Variants in USP32 observed in about 807,000 individuals in gnomAD.
USP32 encodes ubiquitin specific peptidase 32.
Under a neutral mutation model 204.8 loss-of-function variants are expected in USP32, and 59 were observed. That is an observed-to-expected ratio of 0.29 (90% CI 0.23 to 0.36). The LOEUF (loss-of-function observed/expected upper bound fraction) is 0.36. USP32 is among the 10% of genes least tolerant of loss of function. The probability of loss-of-function intolerance (pLI) is 1.00; values close to 1 mark genes in which losing one functional copy is unlikely to be tolerated. For missense variants in USP32, 1,160 were observed against 1,946.4 expected, an observed-to-expected ratio of 0.60 and a Z score of 7.60; for synonymous variants, 517 against 678.4, an observed-to-expected ratio of 0.76 and a Z score of 3.70.
rs140463372 is a variant in USP32, at chr17:60,183,179, A to C, written c.4109T>G (p.Ile1370Ser). 2.5e-4 allele frequency: 402 copies of C among 1,611,026 alleles called. No individual in the cohort carries two copies. Among genetic ancestry groups the C allele is most frequent in the Non-Finnish European group, 3.2e-4 (378 of 1,178,216 alleles). ...KSPSSLSANI[I>S]SSPKGSPSSS... Reference sequence around the variant, plus strand: ...CCAGGCCTCACCTTTCGGGCTGCTGATGATGTTAGCGCTGAGTGAGGATGG... The same window carrying C: ...CCAGGCCTCACCTTTCGGGCTGCTGCTGATGTTAGCGCTGAGTGAGGATGG... The change falls in exon 31 of 34, where the codon ATC becomes AGC. Residue 1370 changes from isoleucine (I) to serine (S), a missense_variant. Ile to Ser is a moderately radical substitution (Grantham distance 142). This residue lies in a region of USP32 where 244 missense variants were observed against 342.3 expected (regional missense o/e 0.71). Coordinates refer to ENST00000300896, the MANE Select transcript of USP32 (RefSeq NM_032582.4).
rs1253906946 is a variant in USP32, at chr17:60,331,581, A to T, written c.186+13900T>A. ...ACCCCATCTCAAAAAAAAATAAAAT[A>T]AACTTTAATATTAAAAAATCTGCAC... On this transcript the variant is annotated intron_variant, in intron 2 of 33. Coordinates refer to ENST00000300896, the MANE Select transcript of USP32 (RefSeq NM_032582.4). 2.8e-5 allele frequency among the ~76,000 whole-genome samples: 4 copies of T among 144,160 alleles called. No individual in the cohort carries two copies. The East Asian group carries it at 6.2e-4, about 22-fold the overall frequency. 94.6% of individuals were successfully genotyped at this position (144,160 alleles called of 152,430 possible).
chr17:60,249,407 C>T, intron 11 of USP32: 2 of 269,632 alleles, frequency 7.4e-6, no homozygotes, highest in South Asian at 1.5e-4. Flanking sequence ...CTTGCTAAGG[C>T]TCACTATGGT....
At chr17:60,187,983 C>CT (rs2084291819) in intron 29 of USP32, among the ~76,000 whole-genome samples, 1 of 151,828 alleles carries the variant, frequency 6.6e-6, no homozygotes, top group Admixed American at 6.6e-5. Flanking sequence ...TTTTTTCTTT[C>CT]TTTTTTTGTT....
At chr17:60,384,298 C>T (rs1178977970) in intron 1 of USP32, among the ~76,000 whole-genome samples, 1 of 152,314 alleles carries the variant, frequency 6.6e-6, no homozygotes, top group Non-Finnish European at 1.5e-5. Context: ...TGTTAAAAGG[C>T]TTTTGCCACA....
exon 1 of USP32, chr17:60,422,397 C>A: frequency 7.2e-7 from 1 of 1,390,404 alleles, no homozygotes; most frequent in African/African-American, 1.4e-5. Context: ...GGGCCAGCTG[C>A]AGCCACCCCT....
intron 1 of USP32, among the ~76,000 whole-genome samples, chr17:60,406,830 T>C (rs2089979967): frequency 6.6e-6 from 1 of 152,156 alleles, no homozygotes; most frequent in South Asian, 2.1e-4. Flanking sequence ...TCTTTCTTTC[T>C]TTCTTTTTTC....
At chr17:60,202,286 T>C (rs1258263972) in intron 26 of USP32, among the ~76,000 whole-genome samples, 2 of 152,234 alleles carry the variant, frequency 1.3e-5, no homozygotes, top group African/African-American at 4.8e-5. Context: ...CTTGTACCAA[T>C]ATGACATTAT....
At chr17:60,301,166 T>TTG (rs764565798) in intron 3 of USP32, among the ~76,000 whole-genome samples, 1 of 152,186 alleles carries the variant, frequency 6.6e-6, no homozygotes, top group Non-Finnish European at 1.5e-5. Flanking sequence ...ACAAGTTTTT[T>TTG]TGTGTGTGTG....
chr17:60,307,101 CTT>C (rs557442387), intron 2 of USP32, among the ~76,000 whole-genome samples: 1 of 143,790 alleles, frequency 7.0e-6, no homozygotes, highest in Non-Finnish European at 1.5e-5. Flanking sequence ...TTTTTCCTTT[CTT>C]TTTTTTTTTT....
chr17:60,384,858 A>G (rs2089702884), intron 1 of USP32, among the ~76,000 whole-genome samples: 1 of 152,018 alleles, frequency 6.6e-6, no homozygotes, highest in African/African-American at 2.4e-5. Context: ...CTGTAATTCC[A>G]GCATTTTGGG....
intron 2 of USP32, among the ~76,000 whole-genome samples, chr17:60,310,284 C>A (rs896601977): frequency 2.6e-5 from 4 of 152,066 alleles, no homozygotes; most frequent in African/African-American, 7.2e-5. Context: ...AAAAAGATAC[C>A]TGTACTAATG....
chr17:60,237,016 G>A (rs1246657361), intron 11 of USP32, among the ~76,000 whole-genome samples: 1 of 151,956 alleles, frequency 6.6e-6, no homozygotes, highest in East Asian at 1.9e-4. Context: ...AAACTGGCAA[G>A]TCAATTTCCA....
chr17:60,263,318 C>T (rs750638357), intron 9 of USP32, among the ~76,000 whole-genome samples: 1 of 152,156 alleles, frequency 6.6e-6, no homozygotes, highest in Non-Finnish European at 1.5e-5. Context: ...CCAAGGGTAA[C>T]ATCTAGATCT....
At chr17:60,301,446 C>T (rs938581424) in intron 3 of USP32, 153 bp downstream of exon 3, 5 of 512,246 alleles carry the variant, frequency 9.8e-6, no homozygotes, top group Admixed American at 8.3e-5. Flanking sequence ...TCTCTAATGA[C>T]TAATTATGTT....
intron 1 of USP32, among the ~76,000 whole-genome samples, chr17:60,419,073 A>T (rs2090084737): frequency 6.6e-6 from 1 of 152,214 alleles, no homozygotes; most frequent in African/African-American, 2.4e-5. Context: ...TCGTATATTT[A>T]TTACAGCACT....
intron 1 of USP32, among the ~76,000 whole-genome samples, chr17:60,403,717 C>T (rs564882038): frequency 2.0e-5 from 3 of 152,064 alleles, no homozygotes; most frequent in Non-Finnish European, 4.4e-5. Context: ...TATATTTTTT[C>T]ACACATATAT....
At chr17:60,353,428 T>G (rs534409091) in intron 1 of USP32, among the ~76,000 whole-genome samples, 1 of 152,274 alleles carries the variant, frequency 6.6e-6, no homozygotes, top group Non-Finnish European at 1.5e-5. Flanking sequence ...CAATGGTAAA[T>G]AGACCAACTC....
chr17:60,196,019 C>T (rs2084505439), intron 27 of USP32, among the ~76,000 whole-genome samples: 1 of 152,208 alleles, frequency 6.6e-6, no homozygotes, highest in Admixed American at 6.5e-5. Flanking sequence ...CGCCTGTAAT[C>T]CCACCACTTT....
In USP32 at chr17:60,206,986, A is replaced by T. The variant is rs749548188; in HGVS notation, c.3037+35T>A. On this transcript the variant is annotated intron_variant, in intron 25 of 33. Coordinates refer to ENST00000300896, the MANE Select transcript of USP32 (RefSeq NM_032582.4). ...CAACTCTTAGACAAATATTTAAAGG[A>T]GCAATCATGAGAAGGAGTTCTAGTT... 34 of 1,574,334 alleles carry T rather than the reference A, an allele frequency of 2.2e-5. No individual in the cohort carries two copies. In the South Asian group the frequency reaches 3.5e-4, roughly 16 times the overall value.
Sources: gnomAD v4.1 joint callset for allele counts (sites outside exome capture counted in the v4.1 genomes callset) on GRCh38, gnomAD v4.1.1 for gene constraint, gnomAD v4.1.1 regional missense constraint, MANE v1.5 for transcripts, NCBI Gene and HGNC (gene_info 2026-07-23, HGNC 2026-07-21) for gene names.